Variants in ASTN2 observed in about 807,000 individuals in gnomAD.
ASTN2 encodes astrotactin 2, also known as astrotactin-2.
A neutral mutation model predicts 139.8 loss-of-function variants in ASTN2; 54 were observed. The ratio of observed to expected loss-of-function variants is 0.39; its 90% CI spans 0.31 to 0.48. ASTN2 has a LOEUF of 0.48. Among genes scored for constraint, ASTN2 ranks in the 20% least tolerant of loss-of-function variants. The pLI, the probability that ASTN2 is intolerant of heterozygous loss-of-function variation, is 0.95. For synonymous variants in ASTN2, 756 were observed against 719.5 expected (o/e 1.05, Z -0.81); for missense variants, 1,565 against 1,725.1 (o/e 0.91, Z 1.64).
intron 1 of ASTN2, among the ~76,000 whole-genome samples, chr9:117,395,447 T>G (rs1830652009): frequency 6.6e-6 from 1 of 152,232 alleles, no homozygotes; most frequent in African/African-American, 2.4e-5. Context: ...AATTATACTC[T>G]GCACCTCATA....
intron 19 of ASTN2, among the ~76,000 whole-genome samples, chr9:116,539,115 T>C (rs537553815): frequency 1.3e-5 from 2 of 152,266 alleles, no homozygotes; most frequent in African/African-American, 2.4e-5. Context: ...CATGATTCCA[T>C]TTATATGAAA....
intron 7 of ASTN2, among the ~76,000 whole-genome samples, chr9:117,002,931 G>A (rs183898466): frequency 5.5e-4 from 84 of 152,266 alleles, no homozygotes; most frequent in Middle Eastern, 6.8e-3. Context: ...CTAGAGAGAG[G>A]GGTTCAGGAA....
intron 2 of ASTN2, among the ~76,000 whole-genome samples, chr9:117,247,165 AAAGT>A (rs979716762): frequency 2.0e-5 from 3 of 152,222 alleles, no homozygotes; most frequent in Admixed American, 2.0e-4. Flanking sequence ...ACAAGAGAGA[AAAGT>A]AAGAGGGACT....
At chr9:117,275,952 GT>G (rs1207966547) in intron 2 of ASTN2, among the ~76,000 whole-genome samples, 1 of 152,084 alleles carries the variant, frequency 6.6e-6, no homozygotes, top group Non-Finnish European at 1.5e-5. Context: ...CACATTAGGG[GT>G]TGAGCTTCAA....
chr9:116,962,449 G>A (rs1337226770), intron 10 of ASTN2, among the ~76,000 whole-genome samples: 2 of 152,196 alleles, frequency 1.3e-5, no homozygotes, highest in African/African-American at 2.4e-5. Context: ...GGTTTAACTT[G>A]TGTAGCCTCT....
intron 3 of ASTN2, among the ~76,000 whole-genome samples, chr9:117,143,012 A>G (rs1360675479): frequency 6.6e-6 from 1 of 152,116 alleles, no homozygotes; most frequent in East Asian, 1.9e-4. Context: ...CCCAGTACCC[A>G]TTTCTAAGGC....
At chr9:117,100,599 T>G (rs1373228204) in intron 4 of ASTN2, among the ~76,000 whole-genome samples, 1 of 152,232 alleles carries the variant, frequency 6.6e-6, no homozygotes, top group Non-Finnish European at 1.5e-5. Context: ...AAGCCACATT[T>G]CAGGTGCTCA....
chr9:117,035,429 G>A (rs1200333036), intron 6 of ASTN2, among the ~76,000 whole-genome samples: 2 of 152,070 alleles, frequency 1.3e-5, no homozygotes, highest in Non-Finnish European at 1.5e-5. Context: ...GGATGACATG[G>A]GTTCAAGAAA....
At chr9:117,007,630 T>C (rs1837396000) in intron 7 of ASTN2, among the ~76,000 whole-genome samples, 1 of 152,208 alleles carries the variant, frequency 6.6e-6, no homozygotes, top group African/African-American at 2.4e-5. Flanking sequence ...AAAATATGCC[T>C]GGCTACTAAA....
At chr9:116,826,877 C>T (rs1283929809) in intron 11 of ASTN2, among the ~76,000 whole-genome samples, 4 of 152,188 alleles carry the variant, frequency 2.6e-5, no homozygotes, top group Non-Finnish European at 5.9e-5. Context: ...TCTCAACTAA[C>T]AACTGTGTGA....
At chr9:116,914,208 A>AT (rs370497207) in intron 10 of ASTN2, among the ~76,000 whole-genome samples, 7 of 152,124 alleles carry the variant, frequency 4.6e-5, no homozygotes, top group African/African-American at 1.7e-4. Context: ...TTGCTGTGGC[A>AT]TGGCAGAGCA....
intron 7 of ASTN2, among the ~76,000 whole-genome samples, chr9:116,979,476 C>T (rs1033592534): frequency 5.3e-5 from 8 of 152,148 alleles, no homozygotes; most frequent in Non-Finnish European, 1.2e-4. Flanking sequence ...AAGGAAAAGG[C>T]TAAGAGCCTT....
intron 19 of ASTN2, among the ~76,000 whole-genome samples, chr9:116,602,442 T>C (rs1005313079): frequency 3.3e-5 from 5 of 152,154 alleles, no homozygotes; most frequent in African/African-American, 1.2e-4. Context: ...TGTAGATTCC[T>C]AATAATTTAG....
chr9:117,054,952 C>T (rs911667943), intron 5 of ASTN2, among the ~76,000 whole-genome samples: 6 of 152,184 alleles, frequency 3.9e-5, no homozygotes, highest in African/African-American at 9.7e-5. Flanking sequence ...ACCTAGACCC[C>T]TTGCATGCAC....
In ASTN2 at chr9:117,060,394, GAAAGAAAGAAAGAAAGAAGGA is replaced by G. The variant is rs1839224916; in HGVS notation, c.1277-20450_1277-20430del. Among the ~76,000 whole-genome samples, 22 of 75,120 alleles carry G rather than the reference GAAAGAAAGAAAGAAAGAAGGA, an allele frequency of 2.9e-4. 2 individuals carry two copies. Among genetic ancestry groups the G allele is most frequent in the African/African-American group, 1.0e-3 (15 of 14,648 alleles). The allele number at this position is 75,120 out of a possible 152,430, so 49.3% of individuals were successfully genotyped here. On this transcript the variant is annotated intron_variant, in intron 5 of 22. Transcript: ENST00000313400. ...AGAAAGAAAGAAAGAAAGAAAGAAA[GAAAGAAAGAAAGAAAGAAGGA>G]AAGGAAGGAAGGAAGGAAGAGAGAG...
chr9:116,737,428 A>C (rs1828958338), intron 13 of ASTN2, among the ~76,000 whole-genome samples: 1 of 151,574 alleles, frequency 6.6e-6, no homozygotes, highest in African/African-American at 2.4e-5. Flanking sequence ...GGTGCTCAGG[A>C]ATAATTCAGA....
chr9:117,214,812 C>T, intron 2 of ASTN2, 70 bp from the exon 3 acceptor site: 1 of 1,394,548 alleles, frequency 7.2e-7, no homozygotes, highest in Non-Finnish European at 9.3e-7. Context: ...GGGGATTTTC[C>T]TGTCCACTAC....
chr9:116,609,296 A>ATCTC lies in ASTN2; in HGVS notation c.3355+9024_3355+9027dup, dbSNP rs34856740. On this transcript the variant is annotated intron_variant, in intron 19 of 22. Coordinates refer to ENST00000313400, the MANE Select transcript of ASTN2 (RefSeq NM_001365068.1). The stretch of plus-strand genomic sequence containing the variant: ...AGCTTAGAATCAGTCAGAAAAAAGG[A>ATCTC]TCTCTCTCTCTCTCTCTCTCTCTCT... Among the ~76,000 whole-genome samples, 6 of 124,012 alleles carry ATCTC rather than the reference A, an allele frequency of 4.8e-5. No homozygotes were observed. In the South Asian group the frequency reaches 7.9e-4, roughly 16 times the overall value. 81.4% of individuals were successfully genotyped at this position (124,012 alleles called of 152,430 possible).
At chr9:117,330,378 G>C (rs1162023976) in intron 1 of ASTN2, among the ~76,000 whole-genome samples, 1 of 152,182 alleles carries the variant, frequency 6.6e-6, no homozygotes, top group Non-Finnish European at 1.5e-5. Flanking sequence ...CTCTTCACCT[G>C]AGTCCCTCTC....
Sources: gnomAD v4.1 joint callset for allele counts (sites outside exome capture counted in the v4.1 genomes callset) on GRCh38, gnomAD v4.1.1 for gene constraint, MANE v1.5 for transcripts, NCBI Gene and HGNC (gene_info 2026-07-23, HGNC 2026-07-21) for gene names.